MCU: variants seen among roughly 807,000 people sequenced by gnomAD.
MCU encodes the protein mitochondrial calcium uniporter.
A neutral mutation model predicts 45.2 loss-of-function variants in MCU; 12 were observed. That is an observed-to-expected ratio of 0.27 (90% confidence interval 0.17 to 0.43). MCU has a LOEUF of 0.43. Ranked by LOEUF, MCU falls within the 20% of genes least tolerant of loss-of-function variation. The probability of loss-of-function intolerance (pLI) is 1.00; values close to 1 mark genes in which losing one functional copy is unlikely to be tolerated. For missense variants in MCU, 324 were observed against 436.7 expected, an observed-to-expected ratio of 0.74 and a Z score of 2.30; for synonymous variants, 160 against 165.1, an observed-to-expected ratio of 0.97 and a Z score of 0.24.
chr10:72,694,258 C>A (rs760664565), intron 1 of MCU, among the ~76,000 whole-genome samples: 1 of 152,150 alleles, frequency 6.6e-6, no homozygotes, highest in Non-Finnish European at 1.5e-5. Flanking sequence ...ATCATGTATA[C>A]AGCTGTTTCC....
intron 1 of MCU, among the ~76,000 whole-genome samples, chr10:72,717,100 C>T (rs1842963813): frequency 6.7e-6 from 1 of 150,282 alleles, no homozygotes; most frequent in Non-Finnish European, 1.5e-5. Context: ...GAAAGGTGCA[C>T]AGTCTATTTC....
At chr10:72,857,057 C>T (rs1397039517) in intron 2 of MCU, among the ~76,000 whole-genome samples, 2 of 151,916 alleles carry the variant, frequency 1.3e-5, no homozygotes, top group East Asian at 3.9e-4. Context: ...AGCAATCCTT[C>T]TGCCTCAGCC....
chr10:72,834,406 CAG>C lies in MCU; in HGVS notation c.199_200del (p.Ser67HisfsTer6). The C allele has an allele frequency of 1.2e-6, 2 of 1,613,812 alleles. No homozygotes were observed. Among genetic ancestry groups the C allele is most frequent in the Non-Finnish European group, 1.7e-6 (2 of 1,179,782 alleles). ...SWQNLGAVYC[S>X]TVVPSDDVTV... ...GGCAGAATTTGGGAGCTGTTTATTG[CAG>C]CACTGTTGTGCCCTCTGATGGTGAG... On this transcript the variant is annotated frameshift_variant, in exon 2 of 8. Coordinates refer to ENST00000373053, the MANE Select transcript of MCU (RefSeq NM_138357.3).
chr10:72,875,742 A>G (rs944673004), intron 6 of MCU, among the ~76,000 whole-genome samples: 5 of 152,338 alleles, frequency 3.3e-5, no homozygotes, highest in South Asian at 2.1e-4. Flanking sequence ...ATAAAATCAA[A>G]TGGAATATTG....
intron 1 of MCU, among the ~76,000 whole-genome samples, chr10:72,772,706 A>T (rs1843830020): frequency 6.6e-6 from 1 of 152,202 alleles, no homozygotes. Context: ...TCTCAAAACA[A>T]AACAAAATCA....
chr10:72,862,988 C>G (rs912832127), intron 4 of MCU, among the ~76,000 whole-genome samples: 1 of 152,022 alleles, frequency 6.6e-6, no homozygotes, highest in Non-Finnish European at 1.5e-5. Flanking sequence ...TTAAATTCCT[C>G]TATAATCTGG....
intron 1 of MCU, among the ~76,000 whole-genome samples, chr10:72,780,411 A>T (rs1392581791): frequency 6.6e-6 from 1 of 152,198 alleles, no homozygotes; most frequent in Admixed American, 6.5e-5. Flanking sequence ...TGGTATATAA[A>T]TTATATCTCA....
chr10:72,855,989 C>T (rs1845284582), intron 2 of MCU, among the ~76,000 whole-genome samples: 1 of 152,080 alleles, frequency 6.6e-6, no homozygotes, highest in African/African-American at 2.4e-5. Flanking sequence ...TGGAAACAAC[C>T]CAGATGTTCG....
chr10:72,753,279 A>G (rs1250461691), intron 1 of MCU, among the ~76,000 whole-genome samples: 3 of 152,232 alleles, frequency 2.0e-5, no homozygotes, highest in Admixed American at 6.5e-5. Flanking sequence ...ATTTTAAATG[A>G]GTTAATACCA....
intron 1 of MCU, among the ~76,000 whole-genome samples, chr10:72,704,760 G>C (rs1316999339): frequency 7.0e-6 from 1 of 142,418 alleles, no homozygotes; most frequent in Non-Finnish European, 1.5e-5. Context: ...TGTAGCCCAG[G>C]CTGGAGTGCA....
chr10:72,808,423 A>T (rs2132795897), intron 1 of MCU, among the ~76,000 whole-genome samples: 1 of 152,374 alleles, frequency 6.6e-6, no homozygotes, highest in East Asian at 1.9e-4. Context: ...TGAAGTTCCC[A>T]TAAAATTGTA....
At chr10:72,718,355 A>T (rs937231088) in intron 1 of MCU, among the ~76,000 whole-genome samples, 1 of 152,236 alleles carries the variant, frequency 6.6e-6, no homozygotes, top group African/African-American at 2.4e-5. Context: ...AAAGGACAAG[A>T]TGGATTTGGT....
intron 2 of MCU, among the ~76,000 whole-genome samples, chr10:72,843,718 G>A (rs907674749): frequency 1.3e-5 from 2 of 152,094 alleles, no homozygotes; most frequent in Non-Finnish European, 2.9e-5. Flanking sequence ...ACACCAAACC[G>A]TCTACCAAAG....
At chr10:72,807,467 T>G (rs564329395) in intron 1 of MCU, among the ~76,000 whole-genome samples, 1 of 152,304 alleles carries the variant, frequency 6.6e-6, no homozygotes, top group South Asian at 2.1e-4. Context: ...TTAAGTTCAA[T>G]GAGTTCTTTT....
At chr10:72,700,742 C>A (rs1234124125) in intron 1 of MCU, among the ~76,000 whole-genome samples, 4 of 152,194 alleles carry the variant, frequency 2.6e-5, no homozygotes, top group Non-Finnish European at 5.9e-5. Context: ...TTTGACATCT[C>A]AAAGATATGA....
At chr10:72,701,026 T>G (rs572491314) in intron 1 of MCU, among the ~76,000 whole-genome samples, 5 of 152,290 alleles carry the variant, frequency 3.3e-5, no homozygotes, top group Admixed American at 1.3e-4. Flanking sequence ...AAACTTCTTT[T>G]TTGTCTGCTG....
intron 1 of MCU, among the ~76,000 whole-genome samples, chr10:72,785,334 C>T (rs1341955571): frequency 1.3e-5 from 2 of 152,186 alleles, no homozygotes; most frequent in African/African-American, 4.8e-5. Flanking sequence ...CCTGCTGCCC[C>T]CTACCACTTA....
chr10:72,757,274 C>T (rs1843591692), intron 1 of MCU, among the ~76,000 whole-genome samples: 1 of 152,048 alleles, frequency 6.6e-6, no homozygotes, highest in African/African-American at 2.4e-5. Context: ...CGGGAATCAC[C>T]ACCACCACCT....
rs547851337 is a variant in MCU at position 72,705,616 on chromosome 10, G to A, written c.150+13315G>A. On this transcript the variant is annotated intron_variant, in intron 1 of 7. Coordinates refer to ENST00000373053, the MANE Select transcript of MCU (RefSeq NM_138357.3). Reference sequence around the variant, plus strand: ...GCGGATCACCTAAAGTCGGGAGTTCGAGACCAGCCTGACCAACATGGAGAA... The same window carrying A: ...GCGGATCACCTAAAGTCGGGAGTTCAAGACCAGCCTGACCAACATGGAGAA... Among the ~76,000 whole-genome samples the A allele has an allele frequency of 1.1e-3, 170 of 152,016 alleles. 2 individuals carry two copies. The highest frequency in any genetic ancestry group is 6.8e-3 in the Middle Eastern group (2 of 294).
Sources: gnomAD v4.1 joint callset for allele counts (sites outside exome capture counted in the v4.1 genomes callset) on GRCh38, gnomAD v4.1.1 for gene constraint, MANE v1.5 for transcripts, NCBI Gene and HGNC (gene_info 2026-07-23, HGNC 2026-07-21) for gene names.